Variants in FBXL17 observed in about 807,000 individuals in gnomAD.
The protein encoded by FBXL17 is F-box/LRR-repeat protein 17.
A neutral mutation model predicts 66.2 loss-of-function variants in FBXL17; 22 were observed. The observed-to-expected ratio is 0.33, with a 90% CI of 0.24 to 0.47. The LOEUF is 0.47. Ranked by LOEUF, FBXL17 falls within the 20% of genes least tolerant of loss-of-function variation. The pLI, the probability that FBXL17 is intolerant of heterozygous loss-of-function variation, is 1.00. For missense variants in FBXL17, 878 were observed against 948.2 expected, an observed-to-expected ratio of 0.93 and a Z score of 0.97; for synonymous variants, 474 against 400.5, an observed-to-expected ratio of 1.18 and a Z score of -2.19.
chr5:107,930,505 T>C (rs1381580025), intron 7 of FBXL17, among the ~76,000 whole-genome samples: 2 of 152,242 alleles, frequency 1.3e-5, no homozygotes, highest in East Asian at 3.8e-4. Context: ...AAGCACTATT[T>C]TATTACTTGA....
chr5:108,360,509 T>A (rs1345343124), intron 3 of FBXL17, among the ~76,000 whole-genome samples: 1 of 152,178 alleles, frequency 6.6e-6, no homozygotes, highest in Non-Finnish European at 1.5e-5. Flanking sequence ...CTTTTGCTGC[T>A]TTGAAGATTC....
chr5:108,233,226 T>C (rs888674705), intron 4 of FBXL17, among the ~76,000 whole-genome samples: 1 of 152,156 alleles, frequency 6.6e-6, no homozygotes, highest in African/African-American at 2.4e-5. Context: ...CTTAATGGTG[T>C]TCTTAGCTCT....
intron 1 of FBXL17, among the ~76,000 whole-genome samples, chr5:108,373,468 C>T (rs1447871267): frequency 6.7e-6 from 1 of 148,722 alleles, no homozygotes; most frequent in Non-Finnish European, 1.5e-5. Flanking sequence ...CAAAATGGTA[C>T]ACTAGAAAAT....
At chr5:108,322,248 A>C (rs1759653225) in intron 4 of FBXL17, among the ~76,000 whole-genome samples, 1 of 151,980 alleles carries the variant, frequency 6.6e-6, no homozygotes, top group Admixed American at 6.6e-5. Flanking sequence ...TAAATGACAT[A>C]ATTTATTTAA....
At chr5:108,244,380 G>A (rs1416110422) in intron 4 of FBXL17, among the ~76,000 whole-genome samples, 1 of 152,110 alleles carries the variant, frequency 6.6e-6, no homozygotes, top group East Asian at 1.9e-4. Flanking sequence ...TGTCTAGGTT[G>A]CAATCCAGCT....
intron 7 of FBXL17, among the ~76,000 whole-genome samples, chr5:107,897,229 T>C (rs1259850687): frequency 1.3e-5 from 2 of 152,012 alleles, no homozygotes; most frequent in East Asian, 3.9e-4. Context: ...TGCCCTATTC[T>C]GGAAAAAAAT....
chr5:107,951,849 A>C (rs1751509037), intron 7 of FBXL17, among the ~76,000 whole-genome samples: 1 of 152,250 alleles, frequency 6.6e-6, no homozygotes, highest in Admixed American at 6.5e-5. Flanking sequence ...AGTAGCAACA[A>C]AAATTCTCTG....
At chr5:108,334,468 T>A (rs1238302986) in intron 4 of FBXL17, among the ~76,000 whole-genome samples, 1 of 152,174 alleles carries the variant, frequency 6.6e-6, no homozygotes, top group Non-Finnish European at 1.5e-5. Flanking sequence ...AACTGAGACC[T>A]GACAACGCCT....
chr5:108,202,465 C>T (rs898931771), intron 5 of FBXL17, among the ~76,000 whole-genome samples: 10 of 152,090 alleles, frequency 6.6e-5, no homozygotes, highest in Admixed American at 2.0e-4. Flanking sequence ...TTTATGAAAA[C>T]ATCAAAGTCA....
At chr5:108,172,869 C>T (rs150634013) in intron 6 of FBXL17, among the ~76,000 whole-genome samples, 2,359 of 152,196 alleles carry the variant, frequency 0.015, 64 homozygotes, top group African/African-American at 0.054. Context: ...GGTGCAATCT[C>T]GGCTCACTGC....
At chr5:108,365,095 G>C in intron 2 of FBXL17, 100 bp from the exon 3 acceptor site, 1 of 776,804 alleles carries the variant, frequency 1.3e-6, no homozygotes, top group Non-Finnish European at 2.0e-6. Flanking sequence ...ATACTAATTA[G>C]ATTATAGCAT....
At chr5:108,208,484 T>G (rs1198662789) in intron 5 of FBXL17, among the ~76,000 whole-genome samples, 1 of 152,228 alleles carries the variant, frequency 6.6e-6, no homozygotes, top group Non-Finnish European at 1.5e-5. Context: ...GAGTTGATTT[T>G]TGTATAAGGT....
chr5:108,114,156 A>G (rs1580459744), intron 6 of FBXL17, among the ~76,000 whole-genome samples: 2 of 152,298 alleles, frequency 1.3e-5, no homozygotes, highest in East Asian at 3.9e-4. Flanking sequence ...ATAAACAAGA[A>G]AGTACCCCTC....
chr5:108,344,472 C>T (rs748113485), intron 4 of FBXL17, among the ~76,000 whole-genome samples: 10 of 152,066 alleles, frequency 6.6e-5, no homozygotes, highest in Admixed American at 1.3e-4. Flanking sequence ...TAGTTTACAG[C>T]CTAATTATTC....
intron 6 of FBXL17, among the ~76,000 whole-genome samples, chr5:108,089,994 A>C (rs1749129131): frequency 6.6e-6 from 1 of 151,874 alleles, no homozygotes; most frequent in Non-Finnish European, 1.5e-5. Flanking sequence ...TACCCAGCTA[A>C]TTTTTGCGTT....
chr5:108,252,105 C>T (rs1009502402), intron 4 of FBXL17, among the ~76,000 whole-genome samples: 10 of 152,044 alleles, frequency 6.6e-5, no homozygotes, highest in Admixed American at 2.6e-4. Context: ...AGCTTTTGCA[C>T]GGGTGTTGGA....
At chr5:108,114,156 A>C (rs1580459744) in intron 6 of FBXL17, among the ~76,000 whole-genome samples, 1 of 152,180 alleles carries the variant, frequency 6.6e-6, no homozygotes, top group Non-Finnish European at 1.5e-5. Context: ...ATAAACAAGA[A>C]AGTACCCCTC....
intron 7 of FBXL17, among the ~76,000 whole-genome samples, chr5:107,961,608 G>T (rs1751911530): frequency 6.6e-6 from 1 of 152,136 alleles, no homozygotes; most frequent in African/African-American, 2.4e-5. Flanking sequence ...AAGGACAGAA[G>T]AAGTAGTTAC....
intron 7 of FBXL17, among the ~76,000 whole-genome samples, chr5:107,928,537 A>G (rs2112571161): frequency 6.6e-6 from 1 of 152,148 alleles, no homozygotes; most frequent in East Asian, 1.9e-4. Flanking sequence ...ACATACAGAA[A>G]CTCAACCTGG....
Sources: gnomAD v4.1 joint callset for allele counts (sites outside exome capture counted in the v4.1 genomes callset) on GRCh38, gnomAD v4.1.1 for gene constraint, MANE v1.5 for transcripts, NCBI Gene and HGNC (gene_info 2026-07-23, HGNC 2026-07-21) for gene names.